Variants in RSL1D1 observed in about 807,000 individuals in gnomAD.
RSL1D1 encodes ribosomal L1 domain-containing protein 1.
In RSL1D1, 34 loss-of-function variants were observed where a neutral mutation model predicts 44.6. The ratio of observed to expected loss-of-function variants is 0.76; its 90% CI spans 0.58 to 1.02. RSL1D1 has a LOEUF of 1.02. RSL1D1 is among the 50% of genes least tolerant of loss of function. The probability of loss-of-function intolerance (pLI) is 0.00; values close to 1 mark genes in which losing one functional copy is unlikely to be tolerated. For missense variants in RSL1D1, 767 were observed against 568.1 expected (o/e 1.35, Z -3.56); for synonymous variants, 271 against 207.4 (o/e 1.31, Z -2.63).
rs1004365561 is a variant in RSL1D1 at position 11,842,119 on chromosome 16, G to A, written c.636-119C>T. 1.1e-5 allele frequency: 8 copies of A among 755,776 alleles called. 1 individual carries two copies. The South Asian group carries it at 1.4e-4, about 13-fold the overall frequency. 46.8% of individuals were successfully genotyped at this position (755,776 alleles called of 1,614,324 possible). On this transcript the variant is annotated intron_variant, in intron 5 of 8. Coordinates refer to ENST00000571133, the MANE Select transcript of RSL1D1 (RefSeq NM_015659.3). ...AAGTTTTTCTTTTTCTTTTAAAAAG[G>A]TAGAAATATTAATCCCGGGCAACAT...
intron 8 of RSL1D1, among the ~76,000 whole-genome samples, chr16:11,839,196 T>C (rs1453999402): frequency 6.6e-6 from 1 of 151,456 alleles, no homozygotes; most frequent in Non-Finnish European, 1.5e-5. Context: ...CAAAACCCCG[T>C]CTCTACCAAA....
intron 7 of RSL1D1, 51 bp from the exon 8 acceptor site, chr16:11,840,036 A>T (rs185211528): frequency 6.3e-7 from 1 of 1,585,438 alleles, no homozygotes; most frequent in Admixed American, 1.8e-5. Flanking sequence ...TCTGTTGGTT[A>T]ACAAACGGCA....
chr16:11,850,175 T>C (rs183369996), intron 2 of RSL1D1, 104 bp downstream of exon 2: 2 of 1,144,948 alleles, frequency 1.7e-6, no homozygotes, highest in East Asian at 5.4e-5. Flanking sequence ...CAGATTTTTA[T>C]TATAAGTTTG....
At chr16:11,849,837 GTTCTT>G (rs763603546) in intron 2 of RSL1D1, among the ~76,000 whole-genome samples, 1 of 151,888 alleles carries the variant, frequency 6.6e-6, no homozygotes, top group Non-Finnish European at 1.5e-5. Context: ...AATTTCTACG[GTTCTT>G]TTATTTTTTA....
rs545340071 is a variant in RSL1D1 at position 11,838,964 on chromosome 16, A to G, written c.1146+731T>C. Among the ~76,000 whole-genome samples the G allele has an allele frequency of 7.9e-5, 12 of 152,182 alleles. 1 individual carries two copies. In the South Asian group the frequency reaches 1.9e-3, roughly 24 times the overall value. On this transcript the variant is annotated intron_variant, in intron 8 of 8. Transcript: ENST00000571133. ...GAGGGGAGGGAATCCTGGAAGCACCATGAGGAGCACAGCAGAGACACATGG... is the reference window on the plus strand; with the variant it reads ...GAGGGGAGGGAATCCTGGAAGCACCGTGAGGAGCACAGCAGAGACACATGG...
At position 11,846,838 on chromosome 16, in the gene RSL1D1, G is replaced by A; in HGVS notation, c.390C>T (p.Ile130=). The change falls in exon 4 of 9, where the codon ATC becomes ATT. Residue 130 remains isoleucine, a synonymous_variant. Coordinates refer to ENST00000571133, the MANE Select transcript of RSL1D1 (RefSeq NM_015659.3). ...KHGIKTVSQI[I]SLQTLKKEYK... ...ATTCCTTCTTTAGAGTTTGGAGGGA[G>A]ATAATCTAGGAAGTATAGAGAAGAA... is the stretch of plus-strand genomic sequence containing the variant. 2 of 1,605,092 alleles carry A rather than the reference G, an allele frequency of 1.2e-6. No homozygotes were observed. Among genetic ancestry groups the A allele is most frequent in the Non-Finnish European group, 1.7e-6 (2 of 1,172,386 alleles).
Position 11,836,643 on chromosome 16 carries a change from T to A in RSL1D1, c.*1144A>T, listed in dbSNP as rs1419873472. 2 of 152,226 alleles carry A rather than the reference T, an allele frequency of 1.3e-5. No individual in the cohort carries two copies. Among genetic ancestry groups the A allele is most frequent in the African/African-American group, 4.8e-5 (2 of 41,460 alleles). The allele number at this position is 152,226 out of a possible 1,614,324, so 9.4% of individuals were successfully genotyped here. A position where few individuals can be genotyped will look rare whatever the true frequency, so the allele number is the denominator to read the frequency against. Reference sequence around the variant, plus strand: ...AAGGCTTATGGAAGATAAATCATGTTCTTGCCTCCGGTAGGTAGGATTCAA... The same window carrying A: ...AAGGCTTATGGAAGATAAATCATGTACTTGCCTCCGGTAGGTAGGATTCAA... On this transcript the variant is annotated 3_prime_UTR_variant, in exon 9 of 9. Transcript: ENST00000571133.
chr16:11,851,281 G>C (rs574503865), intron 1 of RSL1D1, 127 bp downstream of exon 1: 3 of 872,740 alleles, frequency 3.4e-6, no homozygotes, highest in Non-Finnish European at 5.7e-6. Flanking sequence ...TGAGGCACAC[G>C]GCCCGCCAGC....
chr16:11,837,775 G>T lies in RSL1D1; in HGVS notation c.*12C>A, dbSNP rs79641596. 1.8e-3 allele frequency: 2,858 copies of T among 1,588,598 alleles called. 56 individuals carry two copies. In the African/African-American group the frequency reaches 0.035, roughly 20 times the overall value. On this transcript the variant is annotated 3_prime_UTR_variant, in exon 9 of 9. Coordinates refer to ENST00000571133, the MANE Select transcript of RSL1D1 (RefSeq NM_015659.3). ...GCAGCATTGAGGTTTCCTTCCAGTTGAATCACTGACTTTAGGTCGACTGGG... is the reference window on the plus strand; with the variant it reads ...GCAGCATTGAGGTTTCCTTCCAGTTTAATCACTGACTTTAGGTCGACTGGG...
At chr16:11,838,933 A>G (rs552966773) in intron 8 of RSL1D1, among the ~76,000 whole-genome samples, 4 of 151,518 alleles carry the variant, frequency 2.6e-5, no homozygotes, top group African/African-American at 9.7e-5. Context: ...ACCTTTCCCT[A>G]TGACTGAGGG....
chr16:11,847,721 C>T lies in RSL1D1; in HGVS notation c.331G>A (p.Glu111Lys), dbSNP rs2141254977. 1 of 1,613,308 alleles carries T rather than the reference C, an allele frequency of 6.2e-7. No individual in the cohort carries two copies. The change falls in exon 3 of 9, where the codon GAA becomes AAA. Residue 111 changes from glutamate (E) to lysine (K), a missense_variant. Coordinates refer to ENST00000571133, the MANE Select transcript of RSL1D1 (RefSeq NM_015659.3). ...TTTAAAAGCTTTCTATAAAACTGTTCTGTCTTTTCAGGAGTTGAATTGGGT... is the reference window on the plus strand; with the variant it reads ...TTTAAAAGCTTTCTATAAAACTGTTTTGTCTTTTCAGGAGTTGAATTGGGT... ...DEPNSTPEKT[E>K]QFYRKLLNKH...
chr16:11,848,403 A>AT (rs1491187168), intron 2 of RSL1D1, among the ~76,000 whole-genome samples: 3 of 152,242 alleles, frequency 2.0e-5, no homozygotes, highest in Non-Finnish European at 4.4e-5. Flanking sequence ...ATTATTATAC[A>AT]TATGTTGCTG....
rs1193760466 is a variant in RSL1D1 at position 11,837,833 on chromosome 16, G to A, written c.1427C>T (p.Thr476Ile). 3 of 1,612,648 alleles carry A rather than the reference G, an allele frequency of 1.9e-6. No individual in the cohort carries two copies. Among genetic ancestry groups the A allele is most frequent in the Non-Finnish European group, 2.5e-6 (3 of 1,179,494 alleles). Residue 476 changes from threonine to isoleucine, a missense_variant, in exon 9 of 9, where the codon ACC becomes ATC. Thr to Ile is a moderately conservative substitution (Grantham distance 89). Coordinates refer to ENST00000571133, the MANE Select transcript of RSL1D1 (RefSeq NM_015659.3). ...GGGTTTTTTGGGCCATTTTTTGGGG[G>A]TGTGGGAAGCTTTTCTCACAGATTT... Reference protein sequence around the residue: ...PSKSVRKASHTPKKWPKKPKV... With the variant: ...PSKSVRKASHIPKKWPKKPKV...
chr16:11,847,188 C>A (rs1258273372), intron 3 of RSL1D1, among the ~76,000 whole-genome samples: 1 of 152,034 alleles, frequency 6.6e-6, no homozygotes, highest in Non-Finnish European at 1.5e-5. Flanking sequence ...CCAGCCTGGC[C>A]AACATGGTGA....
intron 5 of RSL1D1, among the ~76,000 whole-genome samples, chr16:11,844,496 G>A (rs2053784773): frequency 6.6e-6 from 1 of 152,130 alleles, no homozygotes; most frequent in South Asian, 2.1e-4. Flanking sequence ...AGGGGTAGGG[G>A]TCTAGGCTCC....
chr16:11,846,854 T>C lies in RSL1D1; in HGVS notation c.385-11A>G, dbSNP rs376164941. The stretch of plus-strand genomic sequence containing the variant: ...TTGGAGGGAGATAATCTAGGAAGTA[T>C]AGAGAAGAATAAAAACAAGAAGTTA... On this transcript the variant is annotated splice_polypyrimidine_tract_variant and intron_variant, in intron 3 of 8. Transcript: ENST00000571133. 1.3e-5 allele frequency: 20 copies of C among 1,582,086 alleles called. No homozygotes were observed. In the East Asian group the frequency reaches 1.3e-4, roughly 11 times the overall value.
intron 7 of RSL1D1, 144 bp from the exon 8 acceptor site, chr16:11,840,129 C>T (rs1260074668): frequency 2.3e-6 from 3 of 1,308,108 alleles, no homozygotes; most frequent in Non-Finnish European, 3.1e-6. Flanking sequence ...CCCTAACCAG[C>T]ACTGGAACCT....
rs2053708045 is a variant in RSL1D1, at chr16:11,835,195, T to C, written c.*2592A>G. 1.3e-5 allele frequency: 2 copies of C among 151,626 alleles called. No individual in the cohort carries two copies. The allele number at this position is 151,626 out of a possible 1,614,324, so 9.4% of individuals were successfully genotyped here. On this transcript the variant is annotated 3_prime_UTR_variant, in exon 9 of 9. Coordinates refer to ENST00000571133, the MANE Select transcript of RSL1D1 (RefSeq NM_015659.3). ...AGGGAGAGCTAGATGTTTTTTTTTT[T>C]CTCTTTTTTTCAGTTTTGCTCTGCC...
chr16:11,849,953 G>C (rs1044798298), intron 2 of RSL1D1, among the ~76,000 whole-genome samples: 2 of 152,180 alleles, frequency 1.3e-5, no homozygotes, highest in Admixed American at 6.5e-5. Flanking sequence ...TCAGCCTCCC[G>C]AGTAGCTGAG....
Sources: allele counts gnomAD v4.1 joint callset (sites outside exome capture counted in the v4.1 genomes callset), GRCh38; gene constraint gnomAD v4.1.1; transcripts MANE v1.5; gene names NCBI Gene and HGNC (gene_info 2026-07-23, HGNC 2026-07-21).